Variants in ULK4 observed in about 807,000 individuals in gnomAD.
The protein encoded by ULK4 is inactive serine/threonine-protein kinase ULK4.
Under a neutral mutation model 160.6 loss-of-function variants are expected in ULK4, and 133 were observed. The observed-to-expected ratio is 0.83, with a 90% confidence interval of 0.72 to 0.96. The LOEUF (loss-of-function observed/expected upper bound fraction) is 0.96, where lower values mean the gene tolerates loss of function less well. ULK4 is among the 40% of genes least tolerant of loss of function. The pLI is 0.00. For missense variants in ULK4, 1,580 were observed against 1,499.5 expected (o/e 1.05, Z -0.89); for synonymous variants, 534 against 539.8 (o/e 0.99, Z 0.15).
chr3:41,792,975 C>A (rs953965841), intron 20 of ULK4, among the ~76,000 whole-genome samples: 1 of 152,178 alleles, frequency 6.6e-6, no homozygotes, highest in Non-Finnish European at 1.5e-5. Context: ...GAGTTTCAGG[C>A]CAGCCTGGCC....
In ULK4 at chr3:41,479,422, C is replaced by T. The variant is rs545306623; in HGVS notation, c.3227-16169G>A. On this transcript the variant is annotated intron_variant, in intron 32 of 36. Transcript: ENST00000301831. ...AAATATATTGGAATATGAACTGGAT[C>T]ACAGGATAAAGCACCAGTTGGTGCT... is the stretch of plus-strand genomic sequence containing the variant. 3.9e-5 allele frequency among the ~76,000 whole-genome samples: 6 copies of T among 152,296 alleles called. No individual in the cohort carries two copies. The South Asian group carries it at 1.2e-3, about 32-fold the overall frequency.
intron 35 of ULK4, among the ~76,000 whole-genome samples, chr3:41,268,807 C>T (rs2079089398): frequency 2.5e-5 from 2 of 79,082 alleles, no homozygotes; most frequent in Admixed American, 1.4e-4. Context: ...CCGTCTCACA[C>T]ACACACAAAA....
chr3:41,262,254 A>G (rs570018815), intron 35 of ULK4, among the ~76,000 whole-genome samples: 3 of 152,318 alleles, frequency 2.0e-5, no homozygotes, highest in Admixed American at 2.0e-4. Context: ...ACATTCTGCC[A>G]TGGGGGGAGC....
intron 27 of ULK4, among the ~76,000 whole-genome samples, chr3:41,686,972 C>T (rs927013753): frequency 6.6e-6 from 1 of 152,140 alleles, no homozygotes; most frequent in Non-Finnish European, 1.5e-5. Context: ...AATCCCAGCA[C>T]TTTGGGAGTG....
At chr3:41,668,275 G>A (rs550724581) in intron 29 of ULK4, among the ~76,000 whole-genome samples, 53 of 152,190 alleles carry the variant, frequency 3.5e-4, no homozygotes, top group South Asian at 1.0e-3. Flanking sequence ...CTAAATGAAA[G>A]GCTAGACTAC....
intron 35 of ULK4, among the ~76,000 whole-genome samples, chr3:41,325,007 T>C (rs1231184815): frequency 1.3e-5 from 2 of 151,914 alleles, no homozygotes; most frequent in African/African-American, 4.8e-5. Context: ...CCCAGCCAAA[T>C]GAGATCATCT....
At chr3:41,571,196 A>G (rs953605226) in intron 31 of ULK4, among the ~76,000 whole-genome samples, 1 of 152,226 alleles carries the variant, frequency 6.6e-6, no homozygotes, top group Admixed American at 6.5e-5. Flanking sequence ...TCTTACAGGT[A>G]TATATGCCTT....
At chr3:41,728,047 C>T (rs2037709542) in intron 22 of ULK4, among the ~76,000 whole-genome samples, 1 of 152,154 alleles carries the variant, frequency 6.6e-6, no homozygotes, top group Non-Finnish European at 1.5e-5. Flanking sequence ...AATAGCAAGT[C>T]TGGAGCAGAA....
intron 30 of ULK4, among the ~76,000 whole-genome samples, chr3:41,662,648 A>G (rs1012800214): frequency 2.0e-5 from 3 of 152,210 alleles, no homozygotes; most frequent in Admixed American, 1.3e-4. Context: ...CTAAAGACCA[A>G]CTGGTAGGTC....
rs138029289 is a variant in ULK4, at chr3:41,432,887, G to A, written c.3492+22610C>T. Among the ~76,000 whole-genome samples, 629 of 149,136 alleles carry A rather than the reference G, an allele frequency of 4.2e-3. 4 individuals carry two copies. The highest frequency in any genetic ancestry group is 0.015 in the African/African-American group (602 of 40,536). On this transcript the variant is annotated intron_variant, in intron 34 of 36. Coordinates refer to ENST00000301831, the MANE Select transcript of ULK4 (RefSeq NM_017886.4). ...ATAATCCTGAACAAATCAAATAAAC[G>A]TTTAAAAAAAAAAACCATGGAAGTA...
chr3:41,743,279 G>A (rs1198321204), intron 22 of ULK4, among the ~76,000 whole-genome samples: 3 of 151,304 alleles, frequency 2.0e-5, no homozygotes, highest in Admixed American at 2.0e-4. Context: ...TTTGAACCAT[G>A]ATATGAAACC....
chr3:41,311,011 TA>T (rs2080038438), intron 35 of ULK4, among the ~76,000 whole-genome samples: 1 of 146,420 alleles, frequency 6.8e-6, no homozygotes, highest in African/African-American at 2.7e-5. Context: ...ATAATAATAA[TA>T]AATAAATAAA....
intron 25 of ULK4, among the ~76,000 whole-genome samples, chr3:41,706,898 T>G (rs61175176): frequency 0.069 from 8,755 of 126,756 alleles, 352 homozygotes; most frequent in East Asian, 0.094. Flanking sequence ...TGTATATATA[T>G]ATAGAGAGAG....
At chr3:41,390,589 A>G (rs2125806486) in intron 35 of ULK4, among the ~76,000 whole-genome samples, 1 of 152,248 alleles carries the variant, frequency 6.6e-6, no homozygotes, top group African/African-American at 2.4e-5. Flanking sequence ...TTGGTTTCAA[A>G]GAACATCTTT....
At chr3:41,480,798 G>A (rs1028438166) in intron 32 of ULK4, among the ~76,000 whole-genome samples, 10 of 152,158 alleles carry the variant, frequency 6.6e-5, no homozygotes, top group Admixed American at 1.3e-4. Flanking sequence ...GGTGGAAGGG[G>A]AAGCAAACAC....
chr3:41,313,893 G>A (rs1373935092), intron 35 of ULK4, among the ~76,000 whole-genome samples: 5 of 152,154 alleles, frequency 3.3e-5, no homozygotes, highest in Admixed American at 3.3e-4. Flanking sequence ...GACATAAAAG[G>A]TGACACAGCT....
intron 21 of ULK4, among the ~76,000 whole-genome samples, chr3:41,756,730 G>A (rs947272723): frequency 3.4e-5 from 5 of 147,076 alleles, no homozygotes; most frequent in East Asian, 2.1e-4. Context: ...TGATGAAAAC[G>A]AAGAAAGTTC....
intron 21 of ULK4, among the ~76,000 whole-genome samples, chr3:41,786,300 G>A (rs2039995836): frequency 6.6e-6 from 1 of 152,000 alleles, no homozygotes; most frequent in South Asian, 2.1e-4. Context: ...AAAATCATTT[G>A]GCCCAAAGTA....
At chr3:41,781,334 G>A (rs1430632156) in intron 21 of ULK4, among the ~76,000 whole-genome samples, 8 of 150,866 alleles carry the variant, frequency 5.3e-5, no homozygotes, top group African/African-American at 7.3e-5. Context: ...GGAGAATGGC[G>A]TGAACCCAGG....
Sources: gnomAD v4.1 joint callset for allele counts (sites outside exome capture counted in the v4.1 genomes callset) on GRCh38, gnomAD v4.1.1 for gene constraint, MANE v1.5 for transcripts, NCBI Gene and HGNC (gene_info 2026-07-23, HGNC 2026-07-21) for gene names.